The following RNF138 variants were observed in gnomAD, a reference collection of about 807,000 sequenced individuals.
The protein encoded by RNF138 is ring finger protein 138, also known as E3 ubiquitin-protein ligase RNF138.
A neutral mutation model predicts 31.0 loss-of-function variants in RNF138; 12 were observed. The ratio of observed to expected loss-of-function variants is 0.39; its 90% CI spans 0.25 to 0.63. RNF138 has a LOEUF of 0.63. Ranked by LOEUF, RNF138 falls within the 20% of genes least tolerant of loss-of-function variation. The pLI is 0.52. For missense variants in RNF138, 192 were observed against 300.1 expected (o/e 0.64, Z 2.66); for synonymous variants, 105 against 99.5 (o/e 1.06, Z -0.33).
intron 4 of RNF138, among the ~76,000 whole-genome samples, chr18:32,115,288 A>C (rs2040196410): frequency 6.6e-6 from 1 of 152,144 alleles, no homozygotes; most frequent in Admixed American, 6.5e-5. Context: ...CTTGATTCCT[A>C]ATAGCAATAT....
At chr18:32,102,307 T>C (rs141920420) in intron 2 of RNF138, among the ~76,000 whole-genome samples, 2,258 of 143,876 alleles carry the variant, frequency 0.016, 60 homozygotes, top group African/African-American at 0.055. Context: ...GTTCACACCA[T>C]TCTCCTGCCT....
At chr18:32,128,979 A>G (rs774993783) in intron 7 of RNF138, 140 bp from the exon 8 acceptor site, 18 of 601,574 alleles carry the variant, frequency 3.0e-5, no homozygotes, top group Non-Finnish European at 5.4e-5. Context: ...ATACTGTTAT[A>G]TATGTTTTAC....
chr18:32,092,565 G>C, intron 1 of RNF138, 135 bp from the exon 2 acceptor site: 1 of 556,546 alleles, frequency 1.8e-6, no homozygotes, highest in East Asian at 3.2e-5. Context: ...GGAGCCGTGG[G>C]AGGGGTCGCC....
intron 4 of RNF138, among the ~76,000 whole-genome samples, chr18:32,116,127 A>AC (rs2040212991): frequency 6.6e-6 from 1 of 152,192 alleles, no homozygotes; most frequent in African/African-American, 2.4e-5. Flanking sequence ...AAGAAACTTG[A>AC]CTAGTACTTT....
At chr18:32,121,961 C>T (rs567483037) in intron 4 of RNF138, among the ~76,000 whole-genome samples, 68 of 152,166 alleles carry the variant, frequency 4.5e-4, no homozygotes, top group African/African-American at 1.4e-3. Flanking sequence ...CTCCGCCTTC[C>T]GGTTTCAAGC....
At position 32,092,732 on chromosome 18, in the gene RNF138, G is replaced by A. The variant is rs567143283; in HGVS notation, c.-45G>A. The A allele has an allele frequency of 4.5e-6, 6 of 1,320,972 alleles. No homozygotes were observed. The East Asian group carries it at 1.5e-4, about 33-fold the overall frequency. 81.8% of individuals were successfully genotyped at this position (1,320,972 alleles called of 1,614,324 possible). ...GGCCCCGGGCCGCCACCGTCACCTCGGCCGCTGCCGCTGTCGCCATCGCCT... is the reference window on the plus strand; with the variant it reads ...GGCCCCGGGCCGCCACCGTCACCTCAGCCGCTGCCGCTGTCGCCATCGCCT... On this transcript the variant is annotated 5_prime_UTR_variant, in exon 2 of 8. Transcript: ENST00000261593.
chr18:32,111,678 C>T, intron 2 of RNF138, 76 bp from the exon 3 acceptor site: 2 of 1,146,742 alleles, frequency 1.7e-6, no homozygotes, highest in South Asian at 1.4e-5. Flanking sequence ...TATTTATAAT[C>T]ACTTGTTTGT....
chr18:32,111,428 G>C (rs779005983), intron 2 of RNF138, among the ~76,000 whole-genome samples: 1 of 152,176 alleles, frequency 6.6e-6, no homozygotes, highest in Admixed American at 6.5e-5. Context: ...AAATGGCAGA[G>C]CCAGGATCCG....
chr18:32,093,266 T>C (rs2039740899), intron 2 of RNF138, among the ~76,000 whole-genome samples: 1 of 152,074 alleles, frequency 6.6e-6, no homozygotes, highest in South Asian at 2.1e-4. Context: ...TTGGAGCCTT[T>C]TTGTTTCTTA....
At chr18:32,112,902 G>T (rs556348515) in intron 3 of RNF138, among the ~76,000 whole-genome samples, 3 of 152,306 alleles carry the variant, frequency 2.0e-5, no homozygotes, top group South Asian at 4.1e-4. Flanking sequence ...AATGAATTCA[G>T]TGAGCAAAGC....
chr18:32,101,006 G>A (rs2039928545), intron 2 of RNF138, among the ~76,000 whole-genome samples: 1 of 152,180 alleles, frequency 6.6e-6, no homozygotes, highest in Non-Finnish European at 1.5e-5. Flanking sequence ...TAGTGGGTGA[G>A]TATCGATGAC....
chr18:32,113,037 C>G (rs1046930153), intron 3 of RNF138, among the ~76,000 whole-genome samples: 2 of 152,158 alleles, frequency 1.3e-5, no homozygotes, highest in African/African-American at 2.4e-5. Flanking sequence ...GGCTATTCCT[C>G]TCAGTGAGAA....
In RNF138 at chr18:32,092,720, C is replaced by T. The variant is rs1414294010; in HGVS notation, c.-57C>T. 6 of 1,148,830 alleles carry T rather than the reference C, an allele frequency of 5.2e-6. No individual in the cohort carries two copies. In the South Asian group the frequency reaches 6.7e-5, roughly 13 times the overall value. The allele number at this position is 1,148,830 out of a possible 1,614,324, so 71.2% of individuals were successfully genotyped here. A position where few individuals can be genotyped will look rare whatever the true frequency, so the allele number is the denominator to read the frequency against. ...TGTAGGGAGTCGGGCCCCGGGCCGC[C>T]ACCGTCACCTCGGCCGCTGCCGCTG... On this transcript the variant is annotated 5_prime_UTR_variant, in exon 2 of 8. Coordinates refer to ENST00000261593, the MANE Select transcript of RNF138 (RefSeq NM_016271.5).
At chr18:32,102,195 CTTTTTTTTTTTTTTTTTT>C (rs1167535943) in intron 2 of RNF138, among the ~76,000 whole-genome samples, 3 of 63,812 alleles carry the variant, frequency 4.7e-5, no homozygotes, top group Non-Finnish European at 8.4e-5. Flanking sequence ...CTTTTAGTTT[CTTTTTTTTTTTTTTTTTT>C]TTTTTTGAGA....
intron 2 of RNF138, among the ~76,000 whole-genome samples, chr18:32,102,003 A>G (rs549215168): frequency 6.6e-6 from 1 of 150,906 alleles, no homozygotes; most frequent in African/African-American, 2.4e-5. Flanking sequence ...CAGCCTCCCA[A>G]GTAGCTGGGA....
chr18:32,100,098 T>C (rs2039897673), intron 2 of RNF138, among the ~76,000 whole-genome samples: 1 of 152,104 alleles, frequency 6.6e-6, no homozygotes, highest in South Asian at 2.1e-4. Flanking sequence ...TAGCAAATAT[T>C]AGGACTGCCT....
intron 7 of RNF138, among the ~76,000 whole-genome samples, chr18:32,127,320 A>G (rs1442930775): frequency 6.6e-6 from 1 of 152,206 alleles, no homozygotes; most frequent in Admixed American, 6.6e-5. Flanking sequence ...TCATAAAGCA[A>G]AATGGATTAA....
chr18:32,123,276 T>C (rs1011278927), intron 4 of RNF138, among the ~76,000 whole-genome samples: 2 of 152,160 alleles, frequency 1.3e-5, no homozygotes, highest in Admixed American at 1.3e-4. Context: ...AGAACATAAA[T>C]AAGAATCTAG....
At chr18:32,093,483 A>G (rs755829551) in intron 2 of RNF138, among the ~76,000 whole-genome samples, 12 of 152,030 alleles carry the variant, frequency 7.9e-5, no homozygotes, top group Non-Finnish European at 1.6e-4. Flanking sequence ...TTTCCAGTCC[A>G]CTATGTGTTA....
Sources: allele counts gnomAD v4.1 joint callset (sites outside exome capture counted in the v4.1 genomes callset), GRCh38; gene constraint gnomAD v4.1.1; transcripts MANE v1.5; gene names NCBI Gene and HGNC (gene_info 2026-07-23, HGNC 2026-07-21).